The following SAMD5 variants were observed in gnomAD, a reference collection of about 807,000 sequenced individuals.
SAMD5 encodes sterile alpha motif domain-containing protein 5.
SAMD5 carries 13 observed loss-of-function variants against 11.3 expected under a neutral mutation model. That is an observed-to-expected ratio of 1.15 (90% CI 0.75 to 1.83). SAMD5 has a LOEUF of 1.83. Ranked by LOEUF, SAMD5 falls within the 40% of genes most tolerant of loss-of-function variation. The pLI is 0.00. For missense variants in SAMD5, 255 were observed against 239.1 expected (o/e 1.07, Z -0.44); for synonymous variants, 129 against 111.3 (o/e 1.16, Z -1.00).
the SAMD5 span, among the ~76,000 whole-genome samples, chr6:147,830,640 T>A: frequency 1.3e-5 from 2 of 152,180 alleles, no homozygotes; most frequent in Non-Finnish European, 2.9e-5. Flanking sequence ...TTCCACCTGC[T>A]TTCATCTGCT....
chr6:147,725,318 G>A (rs1168212566), intron 1 of SAMD5, among the ~76,000 whole-genome samples: 6 of 151,850 alleles, frequency 4.0e-5, no homozygotes, highest in East Asian at 3.9e-4. Flanking sequence ...AGGCAGCGGA[G>A]GAGGAGTGAA....
chr6:147,717,643 C>T lies in SAMD5; in HGVS notation c.163-19674C>T, dbSNP rs541294350. Reference sequence around the variant, plus strand: ...TACAATGAATTTTAAAACTGTCTTCCGCAAGACCAGCTTGGCCAACATGGC... The same window carrying T: ...TACAATGAATTTTAAAACTGTCTTCTGCAAGACCAGCTTGGCCAACATGGC... On this transcript the variant is annotated intron_variant, in intron 1 of 1. Coordinates refer to the SAMD5 transcript ENST00000566741. Among the ~76,000 whole-genome samples the T allele has an allele frequency of 1.7e-3, 253 of 152,176 alleles. 1 individual carries two copies. The highest frequency in any genetic ancestry group is 0.014 in the Middle Eastern group (4 of 294).
chr6:147,579,851 C>T (rs1029418323), intron 1 of SAMD5, among the ~76,000 whole-genome samples: 3 of 152,086 alleles, frequency 2.0e-5, no homozygotes, highest in Non-Finnish European at 4.4e-5. Flanking sequence ...GAATGATGCC[C>T]AACATATTTT....
At chr6:147,706,244 C>G (rs549571747) in intron 1 of SAMD5, among the ~76,000 whole-genome samples, 1 of 151,864 alleles carries the variant, frequency 6.6e-6, no homozygotes, top group Non-Finnish European at 1.5e-5. Flanking sequence ...TTTTTCGAGA[C>G]GGAGTCTTAC....
intron 1 of SAMD5, among the ~76,000 whole-genome samples, chr6:147,702,098 A>T (rs1002636972): frequency 6.6e-6 from 1 of 152,224 alleles, no homozygotes; most frequent in Non-Finnish European, 1.5e-5. Context: ...CCTCACCATC[A>T]TGGCGGAAGA....
chr6:147,510,928 A>G (rs952407449), intron 1 of SAMD5, among the ~76,000 whole-genome samples: 1 of 152,178 alleles, frequency 6.6e-6, no homozygotes, highest in African/African-American at 2.4e-5. Flanking sequence ...TGGTGTGGAT[A>G]GAGAGATCTG....
At chr6:147,536,684 T>G (rs1317194928) in intron 1 of SAMD5, among the ~76,000 whole-genome samples, 1 of 152,156 alleles carries the variant, frequency 6.6e-6, no homozygotes, top group African/African-American at 2.4e-5. Flanking sequence ...AAAGCTATAA[T>G]GGACTAGGAA....
At chr6:147,811,146 G>A in the SAMD5 span, among the ~76,000 whole-genome samples, 1 of 152,198 alleles carries the variant, frequency 6.6e-6, no homozygotes, top group Non-Finnish European at 1.5e-5. Context: ...CTTAACTAAT[G>A]TCATAGAGTA....
intron 1 of SAMD5, among the ~76,000 whole-genome samples, chr6:147,618,181 G>A (rs1789902072): frequency 1.3e-5 from 2 of 152,204 alleles, no homozygotes; most frequent in Admixed American, 1.3e-4. Context: ...TTGGTTGAGT[G>A]CTTTGAATGT....
the SAMD5 span, among the ~76,000 whole-genome samples, chr6:147,941,201 T>G: frequency 1.3e-5 from 2 of 152,240 alleles, no homozygotes. Context: ...GTGTTTAGTG[T>G]GTTCTCTATG....
intron 1 of SAMD5, chr6:147,737,223 G>C: frequency 1.9e-6 from 1 of 520,092 alleles, no homozygotes; most frequent in East Asian, 7.6e-5. Flanking sequence ...CCTCGGGAAG[G>C]GTGAGTTTTC....
chr6:147,794,303 A>G, the SAMD5 span, among the ~76,000 whole-genome samples: 1 of 152,176 alleles, frequency 6.6e-6, no homozygotes, highest in African/African-American at 2.4e-5. Context: ...GAGCTTCAAA[A>G]GTATTCAATA....
the SAMD5 span, among the ~76,000 whole-genome samples, chr6:147,857,979 CT>C: frequency 0.14 from 20,800 of 152,126 alleles, 1,572 homozygotes; most frequent in Middle Eastern, 0.17. Context: ...GCCTCATCCC[CT>C]GTCAGAATAT....
chr6:147,778,345 C>T, the SAMD5 span, among the ~76,000 whole-genome samples: 1 of 152,164 alleles, frequency 6.6e-6, no homozygotes, highest in African/African-American at 2.4e-5. Context: ...TACCTCCTGC[C>T]AGACTCTAGG....
At chr6:147,729,746 G>GCA (rs1199901602) in intron 1 of SAMD5, 1 of 456,756 alleles carries the variant, frequency 2.2e-6, no homozygotes, top group East Asian at 7.0e-5. Context: ...AACATTTTAG[G>GCA]CAGTGGCAAA....
chr6:147,745,313 A>T, the SAMD5 span, among the ~76,000 whole-genome samples: 2 of 152,232 alleles, frequency 1.3e-5, no homozygotes, highest in South Asian at 4.1e-4. Flanking sequence ...ATACTTTTCT[A>T]TATGTTTGAA....
the SAMD5 span, among the ~76,000 whole-genome samples, chr6:147,755,376 A>G: frequency 6.6e-6 from 1 of 152,070 alleles, no homozygotes; most frequent in Admixed American, 6.6e-5. Context: ...TTAGTGTTCA[A>G]GAATATAGTT....
the SAMD5 span, among the ~76,000 whole-genome samples, chr6:147,866,780 A>G: frequency 1.4e-3 from 207 of 150,558 alleles, no homozygotes; most frequent in African/African-American, 4.8e-3. Flanking sequence ...ATTCTGGCTA[A>G]AATCGTTTTA....
chr6:147,822,986 T>G, the SAMD5 span, among the ~76,000 whole-genome samples: 11 of 152,170 alleles, frequency 7.2e-5, no homozygotes, highest in South Asian at 2.1e-4. Flanking sequence ...GGCTAATTTT[T>G]TTATATTTTT....
Sources: gnomAD v4.1 joint callset for allele counts (sites outside exome capture counted in the v4.1 genomes callset) on GRCh38, gnomAD v4.1.1 for gene constraint, MANE v1.5 for transcripts, NCBI Gene and HGNC (gene_info 2026-07-23, HGNC 2026-07-21) for gene names.